Variants in TMEM74 observed in about 807,000 individuals in gnomAD.
The protein encoded by TMEM74 is transmembrane protein 74.
A neutral mutation model predicts 18.1 loss-of-function variants in TMEM74; 13 were observed. That is an observed-to-expected ratio of 0.72 (90% CI 0.47 to 1.14). The LOEUF (loss-of-function observed/expected upper bound fraction) is 1.14, where lower values mean the gene tolerates loss of function less well. Among genes scored for constraint, TMEM74 ranks in the 50% most tolerant of loss-of-function variants. The pLI is 0.00. For synonymous variants in TMEM74, 159 were observed against 146.6 expected, an observed-to-expected ratio of 1.08 and a Z score of -0.61; for missense variants, 372 against 375.9, an observed-to-expected ratio of 0.99 and a Z score of 0.09.
chr8:108,726,117 CG>C (rs966752231), intron 1 of TMEM74, among the ~76,000 whole-genome samples: 2 of 152,060 alleles, frequency 1.3e-5, no homozygotes, highest in African/African-American at 4.8e-5. Context: ...TAGTGAGACC[CG>C]GGGTAAAATC....
chr8:108,608,191 A>G (rs146607681), intron 3 of TMEM74, among the ~76,000 whole-genome samples: 18 of 151,384 alleles, frequency 1.2e-4, no homozygotes, highest in African/African-American at 4.4e-4. Flanking sequence ...AGTCCCGGCT[A>G]TTCGAGAGGC....
At chr8:108,739,819 G>A (rs1813781746) in intron 1 of TMEM74, among the ~76,000 whole-genome samples, 1 of 152,014 alleles carries the variant, frequency 6.6e-6, no homozygotes, top group Non-Finnish European at 1.5e-5. Flanking sequence ...TGGTTTTTGG[G>A]GTGATCAGAC....
chr8:108,661,322 T>G (rs1263718064), intron 1 of TMEM74, among the ~76,000 whole-genome samples: 1 of 151,848 alleles, frequency 6.6e-6, no homozygotes, highest in Non-Finnish European at 1.5e-5. Flanking sequence ...CAAGAATTGC[T>G]TTGTGATTTT....
downstream of TMEM74, among the ~76,000 whole-genome samples, chr8:108,774,756 A>ATTT (rs71305916): frequency 2.4e-3 from 287 of 121,214 alleles, 5 homozygotes; most frequent in African/African-American, 8.1e-3. Flanking sequence ...CCTTCCTTTA[A>ATTT]TTTTTTTTTT....
chr8:108,785,067 T>C lies in TMEM74; in HGVS notation c.32A>G (p.Asn11Ser). 1 of 1,610,546 alleles carries C rather than the reference T, an allele frequency of 6.2e-7. No individual in the cohort carries two copies. MELHYLAKKSNQADLCDARDW... is the reference protein window; with the variant it reads MELHYLAKKSSQADLCDARDW... ...CCTGGCATCACAGAGGTCTGCCTGGTTGCTCTTCTTAGCAAGGTAGTGGAG... is the reference window on the plus strand; with the variant it reads ...CCTGGCATCACAGAGGTCTGCCTGGCTGCTCTTCTTAGCAAGGTAGTGGAG... The change falls in exon 2 of 2, where the codon AAC becomes AGC. Residue 11 changes from asparagine to serine, a missense_variant. By Grantham distance (46) the Asn-to-Ser change is conservative. Transcript: ENST00000297459.
At chr8:108,723,906 T>G (rs1211592286) in intron 1 of TMEM74, among the ~76,000 whole-genome samples, 1 of 152,212 alleles carries the variant, frequency 6.6e-6, no homozygotes, top group Non-Finnish European at 1.5e-5. Context: ...TTTTCTAAAG[T>G]AAACGAAGGT....
At chr8:108,747,633 G>GTTTGCTGCAA (rs930777412) in intron 1 of TMEM74, among the ~76,000 whole-genome samples, 1 of 152,000 alleles carries the variant, frequency 6.6e-6, no homozygotes, top group Non-Finnish European at 1.5e-5. Flanking sequence ...TGCCATGGTG[G>GTTTGCTGCAA]TTTGCTGCAC....
At position 108,631,664 on chromosome 8, in the gene TMEM74, G is replaced by C. The variant is rs953531250; in HGVS notation, n.265-22838C>G. The stretch of plus-strand genomic sequence containing the variant: ...TGCAAACACTTCTGCCCGTTCTGTA[G>C]GTTGTCTGTTTACTCTGTGAATAGT... On this transcript the variant is annotated intron_variant and non_coding_transcript_variant, in intron 2 of 3. Coordinates refer to the TMEM74 transcript ENST00000518838. 1.1e-4 allele frequency among the ~76,000 whole-genome samples: 17 copies of C among 151,982 alleles called. 1 individual carries two copies. The highest frequency in any genetic ancestry group is 4.1e-4 in the African/African-American group (17 of 41,416).
chr8:108,670,217 A>C (rs2130589122), intron 1 of TMEM74, among the ~76,000 whole-genome samples: 1 of 152,266 alleles, frequency 6.6e-6, no homozygotes, highest in Non-Finnish European at 1.5e-5. Context: ...TCATAATAAA[A>C]AGTGTACATG....
At chr8:108,617,948 G>A (rs1812402281) in intron 2 of TMEM74, among the ~76,000 whole-genome samples, 2 of 152,022 alleles carry the variant, frequency 1.3e-5, no homozygotes, top group South Asian at 2.1e-4. Flanking sequence ...AGCATGGGTC[G>A]TGATGCTAAG....
chr8:108,745,586 T>C (rs1460143724), intron 1 of TMEM74, among the ~76,000 whole-genome samples: 1 of 152,124 alleles, frequency 6.6e-6, no homozygotes, highest in Admixed American at 6.6e-5. Context: ...TTAATAAACG[T>C]ACATATATGT....
At chr8:108,653,089 A>G (rs1563741176) in intron 2 of TMEM74, 2 of 174,430 alleles carry the variant, frequency 1.1e-5, no homozygotes, top group Admixed American at 6.3e-5. Context: ...AGCATTCAGA[A>G]GAAGGTGACA....
chr8:108,743,770 T>C (rs1813823714), intron 1 of TMEM74, among the ~76,000 whole-genome samples: 1 of 152,190 alleles, frequency 6.6e-6, no homozygotes, highest in South Asian at 2.1e-4. Flanking sequence ...AGTTTATTTT[T>C]GCACAAAGTT....
At chr8:108,687,799 A>G (rs1157644458) in intron 1 of TMEM74, among the ~76,000 whole-genome samples, 2 of 152,068 alleles carry the variant, frequency 1.3e-5, no homozygotes, top group African/African-American at 4.8e-5. Context: ...GTGGTAATGC[A>G]AGTGATGGGG....
intron 2 of TMEM74, among the ~76,000 whole-genome samples, chr8:108,644,499 A>G (rs1033174128): frequency 6.6e-6 from 1 of 152,194 alleles, no homozygotes; most frequent in African/African-American, 2.4e-5. Context: ...AAATTGACAC[A>G]TGGGACCTAA....
intron 2 of TMEM74, among the ~76,000 whole-genome samples, chr8:108,613,058 TG>T (rs1812348613): frequency 6.6e-6 from 1 of 152,194 alleles, no homozygotes; most frequent in Non-Finnish European, 1.5e-5. Flanking sequence ...AGTATTTGAT[TG>T]AGTTGGCTGG....
chr8:108,650,510 C>T (rs1179401178), intron 2 of TMEM74, among the ~76,000 whole-genome samples: 2 of 152,146 alleles, frequency 1.3e-5, no homozygotes, highest in East Asian at 1.9e-4. Flanking sequence ...CCTCTTTGAC[C>T]TCACAGCCCA....
chr8:108,690,433 A>G (rs1448568498), intron 1 of TMEM74, among the ~76,000 whole-genome samples: 1 of 151,804 alleles, frequency 6.6e-6, no homozygotes, highest in Non-Finnish European at 1.5e-5. Flanking sequence ...GGAGAATGCC[A>G]TCAGAGTGAT....
At chr8:108,747,394 A>G (rs2130650235) in intron 1 of TMEM74, among the ~76,000 whole-genome samples, 1 of 152,242 alleles carries the variant, frequency 6.6e-6, no homozygotes, top group South Asian at 2.1e-4. Context: ...GATAAACTAG[A>G]TGGAGGAGTC....
Sources: allele counts gnomAD v4.1 joint callset (sites outside exome capture counted in the v4.1 genomes callset), GRCh38; gene constraint gnomAD v4.1.1; transcripts MANE v1.5; gene names NCBI Gene and HGNC (gene_info 2026-07-23, HGNC 2026-07-21).